Variants in CCDC90B observed in about 807,000 individuals in gnomAD.
CCDC90B encodes the protein coiled-coil domain-containing protein 90B, mitochondrial.
In CCDC90B, 24 loss-of-function variants were observed where a neutral mutation model predicts 37.0. That is an observed-to-expected ratio of 0.65 (90% CI 0.47 to 0.91). The LOEUF (loss-of-function observed/expected upper bound fraction) is 0.91. Ranked by LOEUF, CCDC90B falls within the 40% of genes least tolerant of loss-of-function variation. The pLI is 0.00. For synonymous variants in CCDC90B, 113 were observed against 101.1 expected (o/e 1.12, Z -0.71); for missense variants, 319 against 299.0 (o/e 1.07, Z -0.49).
At chr11:83,269,429 AAAAG>A (rs1438097025) in intron 7 of CCDC90B, among the ~76,000 whole-genome samples, 1 of 152,180 alleles carries the variant, frequency 6.6e-6, no homozygotes, top group African/African-American at 2.4e-5. Context: ...AATAAAGAAG[AAAAG>A]AGAGAAGAAT....
At chr11:83,279,248 TCCAG>T (rs1418462681) in intron 2 of CCDC90B, among the ~76,000 whole-genome samples, 1 of 150,682 alleles carries the variant, frequency 6.6e-6, no homozygotes, top group African/African-American at 2.4e-5. Flanking sequence ...GCCACTTTAC[TCCAG>T]CCTGGGCAAC....
At position 83,278,712 on chromosome 11, in the gene CCDC90B, A is replaced by T; in HGVS notation, c.324+14T>A. On this transcript the variant is annotated intron_variant, in intron 3 of 8. Transcript: ENST00000529689. ...TAATGAAAGTATCAGAAGTGATAGTAATCAGTGTATTACCTGTTGAGCTTG... is the reference window on the plus strand; with the variant it reads ...TAATGAAAGTATCAGAAGTGATAGTTATCAGTGTATTACCTGTTGAGCTTG... 2.7e-6 allele frequency: 4 copies of T among 1,483,426 alleles called. No homozygotes were observed. The highest frequency in any genetic ancestry group is 3.8e-6 in the Non-Finnish European group (4 of 1,065,552). 91.9% of individuals were successfully genotyped at this position (1,483,426 alleles called of 1,614,324 possible).
At chr11:83,281,689 AG>A in intron 1 of CCDC90B, among the ~76,000 whole-genome samples, 1 of 152,288 alleles carries the variant, frequency 6.6e-6, no homozygotes, top group East Asian at 1.9e-4. Flanking sequence ...AAAAAGGGGC[AG>A]ATTTCAGTAG....
intron 1 of CCDC90B, chr11:83,285,657 T>A (rs1865638208): frequency 7.2e-7 from 1 of 1,397,354 alleles, no homozygotes; most frequent in South Asian, 1.6e-5. Flanking sequence ...AAAGGTTCGC[T>A]TTAAGAACAG....
intron 1 of CCDC90B, among the ~76,000 whole-genome samples, chr11:83,283,617 T>C (rs2135675709): frequency 6.6e-6 from 1 of 152,320 alleles, no homozygotes; most frequent in South Asian, 2.1e-4. Flanking sequence ...GGTGTCATAA[T>C]CACTATTCCA....
chr11:83,266,593 GTGGCAGGGGAGCT>G (rs1864290183), intron 7 of CCDC90B, among the ~76,000 whole-genome samples: 1 of 152,200 alleles, frequency 6.6e-6, no homozygotes, highest in Non-Finnish European at 1.5e-5. Flanking sequence ...GGTAAACAAA[GTGGCAGGGGAGCT>G]TGAACTGGGC....
intron 1 of CCDC90B, among the ~76,000 whole-genome samples, chr11:83,283,536 G>A (rs1332819219): frequency 6.6e-6 from 1 of 152,224 alleles, no homozygotes; most frequent in Non-Finnish European, 1.5e-5. Flanking sequence ...CCCACTGGCA[G>A]TAGAACTTTG....
chr11:83,275,903 T>C (rs142673349), intron 3 of CCDC90B, among the ~76,000 whole-genome samples: 40 of 152,334 alleles, frequency 2.6e-4, no homozygotes, highest in East Asian at 2.3e-3. Context: ...TATGTACATA[T>C]AATGCTTAAG....
At position 83,284,226 on chromosome 11, in the gene CCDC90B, T is replaced by G. The variant is rs573971461; in HGVS notation, c.100+1647A>C. On this transcript the variant is annotated intron_variant, in intron 1 of 8. Coordinates refer to ENST00000529689, the MANE Select transcript of CCDC90B (RefSeq NM_021825.5). ...CAAGAGTTTAAAGGTTTAACCAGTT[T>G]CACAAAACTACTAAGTCATAGATTG... Among the ~76,000 whole-genome samples the G allele has an allele frequency of 3.2e-4, 49 of 152,350 alleles. 1 individual carries two copies. In the South Asian group the frequency reaches 6.8e-3, roughly 21 times the overall value.
chr11:83,262,775 AATG>A, intron 8 of CCDC90B, among the ~76,000 whole-genome samples: 2 of 152,348 alleles, frequency 1.3e-5, no homozygotes, highest in Non-Finnish European at 2.9e-5. Flanking sequence ...AAACTTGGTT[AATG>A]ATAAGATCAT....
At chr11:83,280,469 G>A (rs568066959) in intron 1 of CCDC90B, among the ~76,000 whole-genome samples, 1 of 152,264 alleles carries the variant, frequency 6.6e-6, no homozygotes, top group African/African-American at 2.4e-5. Flanking sequence ...TTCAATAAAT[G>A]TTTCTTTTCC....
At position 83,265,824 on chromosome 11, in the gene CCDC90B, G is replaced by C. The variant is rs776255929; in HGVS notation, c.709+41C>G. On this transcript the variant is annotated intron_variant, in intron 8 of 8. Transcript: ENST00000529689. ...TTACCTTGATAGGTAGAACTAACAG[G>C]AAAATTAGATGACAGCAATTTCTTT... 4.6e-6 allele frequency: 6 copies of C among 1,304,480 alleles called. No individual in the cohort carries two copies. In the African/African-American group the frequency reaches 8.8e-5, roughly 19 times the overall value. 80.8% of individuals were successfully genotyped at this position (1,304,480 alleles called of 1,614,324 possible). A position where few individuals can be genotyped will look rare whatever the true frequency, so the allele number is the denominator to read the frequency against.
intron 3 of CCDC90B, 136 bp downstream of exon 3, chr11:83,278,590 T>G (rs1865181164): frequency 1.8e-6 from 1 of 564,288 alleles, no homozygotes; most frequent in Non-Finnish European, 3.2e-6. Context: ...CTTTATTCAA[T>G]GTTTTTTTTT....
intron 7 of CCDC90B, among the ~76,000 whole-genome samples, chr11:83,268,188 T>C (rs896480275): frequency 6.6e-6 from 1 of 152,280 alleles, no homozygotes; most frequent in African/African-American, 2.4e-5. Context: ...ATGAAGAAAC[T>C]GCATCAATTA....
intron 2 of CCDC90B, among the ~76,000 whole-genome samples, 181 bp from the exon 3 acceptor site, chr11:83,279,010 A>G (rs1865215864): frequency 6.6e-6 from 1 of 152,182 alleles, no homozygotes; most frequent in South Asian, 2.1e-4. Context: ...TAGGCCGGGC[A>G]TGGTGGCTCA....
chr11:83,259,212 A>T lies in CCDC90B; in HGVS notation c.*2699T>A, dbSNP rs1863829808. 6.6e-6 allele frequency: 1 copy of T among 152,204 alleles called. No individual in the cohort carries two copies. The highest frequency in any genetic ancestry group is 1.5e-5 in the Non-Finnish European group (1 of 68,032). The allele number at this position is 152,204 out of a possible 1,614,324, so 9.4% of individuals were successfully genotyped here. On this transcript the variant is annotated 3_prime_UTR_variant, in exon 9 of 9. Coordinates refer to ENST00000529689, the MANE Select transcript of CCDC90B (RefSeq NM_021825.5). ...AAGATACGTATAATTGCTGTTTCAT[A>T]GTGAAGTGCAAGTGCTGGAATAGAG... is the stretch of plus-strand genomic sequence containing the variant.
chr11:83,274,390 C>G (rs977459304), intron 4 of CCDC90B: 8 of 277,992 alleles, frequency 2.9e-5, no homozygotes, highest in Non-Finnish European at 5.3e-5. Context: ...ATATATAGCT[C>G]AAAGATTTTG....
chr11:83,264,065 T>C (rs1036996619), intron 8 of CCDC90B, among the ~76,000 whole-genome samples: 1 of 152,204 alleles, frequency 6.6e-6, no homozygotes, highest in African/African-American at 2.4e-5. Context: ...AGTTGTTATA[T>C]AGAAATACTA....
At chr11:83,279,718 T>A (rs188115081) in intron 2 of CCDC90B, among the ~76,000 whole-genome samples, 1 of 152,318 alleles carries the variant, frequency 6.6e-6, no homozygotes, top group African/African-American at 2.4e-5. Context: ...CATATTAAAT[T>A]CATGTCTGTG....
Sources: gnomAD v4.1 joint callset for allele counts (sites outside exome capture counted in the v4.1 genomes callset) on GRCh38, gnomAD v4.1.1 for gene constraint, MANE v1.5 for transcripts, NCBI Gene and HGNC (gene_info 2026-07-23, HGNC 2026-07-21) for gene names.